The following JADE3 variants were observed in gnomAD, a reference collection of about 807,000 sequenced individuals.
JADE3 encodes the protein jade family PHD finger 3.
A neutral mutation model predicts 50.1 loss-of-function variants in JADE3; 2 were observed. The observed-to-expected ratio is 0.04, with a 90% CI of 0.02 to 0.13. The LOEUF is 0.13. Ranked by LOEUF, JADE3 falls within the 10% of genes least tolerant of loss-of-function variation. JADE3 has a pLI of 1.00. For synonymous variants in JADE3, 218 were observed against 232.9 expected, an observed-to-expected ratio of 0.94 and a Z score of 0.58; for missense variants, 475 against 634.4, an observed-to-expected ratio of 0.75 and a Z score of 2.70.
At chrX:47,028,382 C>T (rs782672770) in intron 6 of JADE3, among the ~76,000 whole-genome samples, 10 of 109,840 alleles carry the variant, frequency 9.1e-5, no homozygotes, top group Non-Finnish European at 1.7e-4. Context: ...CCCTAGGCCC[C>T]TGCCCCAGGG....
chrX:46,998,046 T>C lies in JADE3; in HGVS notation c.127-74T>C, dbSNP rs1928174080. 8 of 895,466 alleles carry C rather than the reference T, an allele frequency of 8.9e-6. No individual in the cohort carries two copies. The South Asian group carries it at 1.4e-4, about 15-fold the overall frequency. 73.8% of individuals were successfully genotyped at this position (895,466 alleles called of 1,213,427 possible). A position where few individuals can be genotyped will look rare whatever the true frequency, so the allele number is the denominator to read the frequency against. On this transcript the variant is annotated intron_variant, in intron 3 of 10. Transcript: ENST00000614628. Reference sequence around the variant, plus strand: ...AAGCAGAGTGGATGGGGATGGTCTTTTTAAAAGGAGAACATTGAATGGTAT... The same window carrying C: ...AAGCAGAGTGGATGGGGATGGTCTTCTTAAAAGGAGAACATTGAATGGTAT...
At chrX:46,918,503 TTTC>T (rs1263551600) in intron 1 of JADE3, among the ~76,000 whole-genome samples, 13 of 112,465 alleles carry the variant, frequency 1.2e-4, no homozygotes, top group African/African-American at 4.2e-4. Flanking sequence ...TTTGAAACTA[TTTC>T]TTATCTACAG....
intron 1 of JADE3, among the ~76,000 whole-genome samples, chrX:46,969,996 AAAT>A (rs1927451949): frequency 8.9e-6 from 1 of 112,369 alleles, no homozygotes; most frequent in Admixed American, 9.4e-5. Context: ...TGAAGGAAGG[AAAT>A]AATAAAAGAA....
intron 8 of JADE3, among the ~76,000 whole-genome samples, chrX:47,047,337 A>G (rs1413642798): frequency 8.9e-6 from 1 of 111,751 alleles, no homozygotes; most frequent in African/African-American, 3.3e-5. Flanking sequence ...ACCTGAGGCC[A>G]GGAGTTCAAG....
Position 46,912,569 on chromosome X carries a change from G to GGCGAGGAGGGGATTAAGGGGCAGGT in JADE3, c.-155_-131dup, listed in dbSNP as rs1206338530. The GGCGAGGAGGGGATTAAGGGGCAGGT allele has an allele frequency of 9.0e-6, 1 of 110,966 alleles. No homozygotes were observed. The allele number at this position is 110,966 out of a possible 1,213,427, so 9.1% of individuals were successfully genotyped here. ...GGGGGCGGCCCCGGCGGGGGGCGGG[G>GGCGAGGAGGGGATTAAGGGGCAGGT]GCGAGGAGGGGATTAAGGGGCAGGT... On this transcript the variant is annotated 5_prime_UTR_variant, in exon 1 of 11. Transcript: ENST00000614628.
chrX:46,943,310 A>G lies in JADE3; in HGVS notation c.-12+30591A>G, dbSNP rs868988365. ...AGGGGAATGCTTCCAGCTTTTGCCC[A>G]TTGATTATGGTGTTGGCTTTGGGTT... On this transcript the variant is annotated intron_variant, in intron 1 of 10. Coordinates refer to ENST00000614628, the MANE Select transcript of JADE3 (RefSeq NM_014735.5). Among the ~76,000 whole-genome samples the G allele has an allele frequency of 4.5e-5, 5 of 111,602 alleles. No individual in the cohort carries two copies. In the East Asian group the frequency reaches 1.4e-3, roughly 31 times the overall value.
At chrX:47,056,648 A>G (rs782594121) in intron 10 of JADE3, among the ~76,000 whole-genome samples, 1 of 112,185 alleles carries the variant, frequency 8.9e-6, no homozygotes, top group Non-Finnish European at 1.9e-5. Context: ...TTATTCACTA[A>G]TATTTGTTGA....
At position 47,047,549 on chromosome X, in the gene JADE3, CAAAAA is replaced by C. The variant is rs782645560; in HGVS notation, c.973-6598_973-6594del. 5.3e-3 allele frequency among the ~76,000 whole-genome samples: 343 copies of C among 64,115 alleles called. 1 individual carries two copies. Among genetic ancestry groups the C allele is most frequent in the African/African-American group, 0.019 (328 of 17,366 alleles). 55.7% of individuals were successfully genotyped at this position (64,115 alleles called of 115,157 possible). ...GGGCAACAAGAGCGAAACTCCATTA[CAAAAA>C]AAAAAAAAAAGTAAATAAACCACAG... On this transcript the variant is annotated intron_variant, in intron 8 of 10. Transcript: ENST00000614628.
chrX:46,942,980 T>G (rs1421645621), intron 1 of JADE3, among the ~76,000 whole-genome samples: 2 of 112,075 alleles, frequency 1.8e-5, no homozygotes, highest in Non-Finnish European at 3.8e-5. Flanking sequence ...TAAATGGGAT[T>G]GCATTCTTGA....
At chrX:47,039,167 C>A (rs1213869630) in intron 8 of JADE3, 102 bp downstream of exon 8, 9 of 455,450 alleles carry the variant, frequency 2.0e-5, no homozygotes, top group Admixed American at 3.9e-5. Flanking sequence ...CTCAGGAGAT[C>A]GCCCACCCAC....
rs1926672612 is a variant in JADE3, at chrX:46,938,023, T to C, written c.-12+25304T>C. On this transcript the variant is annotated intron_variant, in intron 1 of 10. Coordinates refer to ENST00000614628, the MANE Select transcript of JADE3 (RefSeq NM_014735.5). ...TAAATTGTTTCTTTTAATCAGTGTT[T>C]GCATCACATATCTTTTTCCATCCTT... Among the ~76,000 whole-genome samples, 3 of 111,690 alleles carry C rather than the reference T, an allele frequency of 2.7e-5. No homozygotes were observed. In the South Asian group the frequency reaches 1.1e-3, roughly 42 times the overall value.
intron 1 of JADE3, among the ~76,000 whole-genome samples, chrX:46,920,110 A>G (rs781791790): frequency 2.0e-4 from 22 of 111,610 alleles, no homozygotes; most frequent in Non-Finnish European, 3.9e-4. Flanking sequence ...AAGCAATGTG[A>G]ATATATTTTC....
chrX:47,021,704 C>T (rs1602411783), intron 4 of JADE3, among the ~76,000 whole-genome samples: 3 of 112,239 alleles, frequency 2.7e-5, no homozygotes, highest in Admixed American at 9.5e-5. Context: ...AGGTTGAGAA[C>T]CTTTTAAAAG....
intron 1 of JADE3, among the ~76,000 whole-genome samples, chrX:46,920,082 G>A (rs781794331): frequency 1.2e-4 from 13 of 110,965 alleles, no homozygotes; most frequent in Admixed American, 2.9e-4. Context: ...AAACTTTTAC[G>A]TATGTGTTTT....
chrX:46,968,906 T>C (rs781908600), intron 1 of JADE3, among the ~76,000 whole-genome samples: 4 of 111,712 alleles, frequency 3.6e-5, no homozygotes, highest in African/African-American at 6.5e-5. Flanking sequence ...AGCAAAGATA[T>C]AGAAGAAATA....
chrX:46,940,401 A>C (rs1926727553), intron 1 of JADE3, among the ~76,000 whole-genome samples: 1 of 112,167 alleles, frequency 8.9e-6, no homozygotes, highest in African/African-American at 3.2e-5. Context: ...GGAGGCATTG[A>C]GACTCATGCA....
At chrX:47,032,572 T>C (rs1929045418) in intron 6 of JADE3, among the ~76,000 whole-genome samples, 1 of 111,164 alleles carries the variant, frequency 9.0e-6, no homozygotes, top group African/African-American at 3.3e-5. Context: ...AATCCAGGCA[T>C]GGCATAATGA....
At chrX:47,020,312 CA>C (rs1928768551) in intron 4 of JADE3, among the ~76,000 whole-genome samples, 1 of 105,473 alleles carries the variant, frequency 9.5e-6, no homozygotes, top group African/African-American at 3.5e-5. Flanking sequence ...GCCTGGGCAA[CA>C]GAGTGAGACT....
At chrX:46,994,584 C>A (rs1319738530) in intron 3 of JADE3, among the ~76,000 whole-genome samples, 1 of 111,886 alleles carries the variant, frequency 8.9e-6, no homozygotes, top group Non-Finnish European at 1.9e-5. Flanking sequence ...GAAGTTTCTA[C>A]ATTACCTTGT....
Sources: allele counts gnomAD v4.1 joint callset (sites outside exome capture counted in the v4.1 genomes callset), GRCh38; gene constraint gnomAD v4.1.1; transcripts MANE v1.5; gene names NCBI Gene and HGNC (gene_info 2026-07-23, HGNC 2026-07-21).